Variants in OSBPL10 observed in about 807,000 individuals in gnomAD.
OSBPL10 encodes the protein oxysterol-binding protein-related protein 10.
Under a neutral mutation model 81.7 loss-of-function variants are expected in OSBPL10, and 49 were observed. That is an observed-to-expected ratio of 0.60 (90% CI 0.48 to 0.76). OSBPL10 has a LOEUF of 0.76. OSBPL10 is among the 30% of genes least tolerant of loss of function. The pLI is 0.00. For synonymous variants in OSBPL10, 419 were observed against 383.6 expected (o/e 1.09, Z -1.08); for missense variants, 923 against 987.8 (o/e 0.93, Z 0.88).
At chr3:31,704,295 T>C (rs1323094953) in intron 6 of OSBPL10, 2 of 152,308 alleles carry the variant, frequency 1.3e-5, no homozygotes, top group South Asian at 4.1e-4. Context: ...ATTTCCAGTC[T>C]ACGCTACGGA....
intron 3 of OSBPL10, among the ~76,000 whole-genome samples, chr3:31,861,865 G>A (rs1016026402): frequency 1.3e-5 from 2 of 152,120 alleles, no homozygotes; most frequent in Non-Finnish European, 2.9e-5. Flanking sequence ...CGAAAGCCTC[G>A]TGCACATCCT....
chr3:32,076,104 T>G (rs527725234), intron 1 of OSBPL10, among the ~76,000 whole-genome samples: 8 of 152,224 alleles, frequency 5.3e-5, no homozygotes, highest in Middle Eastern at 3.4e-3. Flanking sequence ...GCGCGGTGGC[T>G]CACGCCTGTA....
At chr3:31,812,091 G>C (rs894092661) in intron 4 of OSBPL10, among the ~76,000 whole-genome samples, 5 of 152,084 alleles carry the variant, frequency 3.3e-5, no homozygotes, top group Admixed American at 3.3e-4. Flanking sequence ...GCAGTGTCGC[G>C]ATCTCGGCTC....
chr3:31,864,900 T>C (rs1212934861), intron 3 of OSBPL10, among the ~76,000 whole-genome samples: 1 of 152,016 alleles, frequency 6.6e-6, no homozygotes, highest in Non-Finnish European at 1.5e-5. Context: ...ATGGCTCCAG[T>C]GGCGTGAACA....
chr3:31,711,077 A>G (rs538885576), intron 6 of OSBPL10: 1 of 152,372 alleles, frequency 6.6e-6, no homozygotes, highest in East Asian at 1.9e-4. Flanking sequence ...TAAGTTTCAG[A>G]CTGTAAGTTT....
intron 4 of OSBPL10, among the ~76,000 whole-genome samples, chr3:31,817,689 A>G (rs1189983977): frequency 6.6e-6 from 1 of 152,150 alleles, no homozygotes; most frequent in Non-Finnish European, 1.5e-5. Flanking sequence ...TGCCTGCTTG[A>G]TAGAGCAGGA....
chr3:31,984,320 G>C (rs1449273445), upstream of OSBPL10, among the ~76,000 whole-genome samples: 1 of 151,576 alleles, frequency 6.6e-6, no homozygotes, highest in Non-Finnish European at 1.5e-5. Flanking sequence ...GATTACAGGC[G>C]TGAGCCACCG....
At chr3:31,794,182 T>A (rs557608538) in intron 4 of OSBPL10, among the ~76,000 whole-genome samples, 10 of 152,362 alleles carry the variant, frequency 6.6e-5, no homozygotes, top group Admixed American at 2.6e-4. Flanking sequence ...CTTGCTCTTG[T>A]TGTCCAGGTT....
chr3:32,047,772 C>T (rs1699635978), intron 1 of OSBPL10, among the ~76,000 whole-genome samples: 1 of 151,952 alleles, frequency 6.6e-6, no homozygotes, highest in African/African-American at 2.4e-5. Flanking sequence ...ACACCATTCT[C>T]CTGCCTCAGC....
At chr3:32,003,213 G>C (rs1418234038) in intron 2 of OSBPL10, among the ~76,000 whole-genome samples, 5 of 152,194 alleles carry the variant, frequency 3.3e-5, no homozygotes, top group Admixed American at 3.3e-4. Context: ...TCAGAACTTA[G>C]ACCAAACTCT....
upstream of OSBPL10, among the ~76,000 whole-genome samples, chr3:31,983,893 G>A (rs919150668): frequency 6.6e-6 from 1 of 152,196 alleles, no homozygotes; most frequent in African/African-American, 2.4e-5. Flanking sequence ...CATCTTGCTT[G>A]TTACCCGGAA....
rs1323539135 is a variant in OSBPL10 at position 31,934,895 on chromosome 3, CG to C, written c.281+46003del. 2.6e-5 allele frequency among the ~76,000 whole-genome samples: 4 copies of C among 152,128 alleles called. No homozygotes were observed. In the East Asian group the frequency reaches 7.7e-4, roughly 29 times the overall value. ...ACTTACCCATAGTAGTTTAAACAAT[CG>C]GGGCTCTATTTTTCTACTAAAGCAA... On this transcript the variant is annotated intron_variant, in intron 1 of 11. Coordinates refer to ENST00000396556, the MANE Select transcript of OSBPL10 (RefSeq NM_017784.5).
intron 4 of OSBPL10, among the ~76,000 whole-genome samples, chr3:31,801,572 T>C (rs1205226029): frequency 6.6e-6 from 1 of 152,150 alleles, no homozygotes; most frequent in Non-Finnish European, 1.5e-5. Context: ...CTGAGGTCTA[T>C]CCCTGCAGGA....
intron 4 of OSBPL10, among the ~76,000 whole-genome samples, chr3:31,777,228 G>A (rs1338816223): frequency 6.6e-6 from 1 of 152,114 alleles, no homozygotes. Context: ...GCCCAGCTCT[G>A]GATCACAGGA....
intron 10 of OSBPL10, among the ~76,000 whole-genome samples, chr3:31,667,856 A>G (rs576175007): frequency 9.8e-5 from 15 of 152,382 alleles, no homozygotes; most frequent in East Asian, 7.7e-4. Context: ...GATGTCCTAC[A>G]TTAAAAAATA....
rs375759998 is a variant in OSBPL10, at chr3:31,962,589, A to G, written c.281+18310T>C. On this transcript the variant is annotated intron_variant, in intron 1 of 11. Coordinates refer to ENST00000396556, the MANE Select transcript of OSBPL10 (RefSeq NM_017784.5). ...TGGGAACCAGCACAGGAGAAGTGCCATAAATACTCTGCCTGATTCCAGGGG... is the reference window on the plus strand; with the variant it reads ...TGGGAACCAGCACAGGAGAAGTGCCGTAAATACTCTGCCTGATTCCAGGGG... Among the ~76,000 whole-genome samples, 135 of 152,248 alleles carry G rather than the reference A, an allele frequency of 8.9e-4. 1 individual carries two copies. In the Middle Eastern group the frequency reaches 0.014, roughly 15 times the overall value.
intron 4 of OSBPL10, among the ~76,000 whole-genome samples, chr3:31,767,226 G>A (rs79671998): frequency 0.028 from 4,249 of 152,256 alleles, 93 homozygotes; most frequent in Middle Eastern, 0.037. Context: ...TGCTCATGCA[G>A]TTGTGATTAA....
At chr3:31,813,275 GTCT>G (rs1365699797) in intron 4 of OSBPL10, among the ~76,000 whole-genome samples, 2 of 152,162 alleles carry the variant, frequency 1.3e-5, no homozygotes, top group Admixed American at 6.6e-5. Context: ...CCAGCCTACT[GTCT>G]TCATTTTGCA....
At chr3:31,859,695 G>A (rs564225397) in intron 3 of OSBPL10, among the ~76,000 whole-genome samples, 16 of 152,094 alleles carry the variant, frequency 1.1e-4, no homozygotes, top group Non-Finnish European at 2.1e-4. Context: ...CATCACTAAC[G>A]TCATCATCAT....
Sources: gnomAD v4.1 joint callset for allele counts (sites outside exome capture counted in the v4.1 genomes callset) on GRCh38, gnomAD v4.1.1 for gene constraint, MANE v1.5 for transcripts, NCBI Gene and HGNC (gene_info 2026-07-23, HGNC 2026-07-21) for gene names.